Variants in IFNG observed in about 807,000 individuals in gnomAD.
IFNG encodes the protein IFN-gamma.
A neutral mutation model predicts 14.4 loss-of-function variants in IFNG; 8 were observed. That is an observed-to-expected ratio of 0.56 (90% CI 0.33 to 1.00). IFNG has a LOEUF of 1.00. IFNG is among the 50% of genes least tolerant of loss of function. The pLI is 0.03. For missense variants in IFNG, 132 were observed against 194.9 expected (o/e 0.68, Z 1.92); for synonymous variants, 73 against 65.4 (o/e 1.12, Z -0.56).
intron 1 of IFNG, 47 bp downstream of exon 1, chr12:68,159,455 C>T: frequency 1.2e-6 from 1 of 856,454 alleles, no homozygotes; most frequent in Non-Finnish European, 1.9e-6. Flanking sequence ...AGTCGATATT[C>T]AGTCATTTTC....
intron 3 of IFNG, 76 bp from the exon 4 acceptor site, chr12:68,155,563 C>A: frequency 7.4e-7 from 1 of 1,352,816 alleles, no homozygotes; most frequent in South Asian, 1.5e-5. Context: ...TCATGATGGT[C>A]AGTGAAAATA....
chr12:68,158,357 A>C (rs995473962), intron 1 of IFNG, 98 bp from the exon 2 acceptor site: 8 of 792,812 alleles, frequency 1.0e-5, no homozygotes, highest in Non-Finnish European at 1.4e-5. Context: ...GACAATATTC[A>C]CTGATTTCCT....
At position 68,157,994 on chromosome 12, in the gene IFNG, G is replaced by A. The variant is rs142375196; in HGVS notation, c.285C>T (p.Thr95=). ...DDQSIQKSVE[T]IKEDMNVKFF... ...ACTTGACATTCATGTCTTCCTTGATGGTCTCCACACTCTTTTGGATGCTCT... is the reference window on the plus strand; with the variant it reads ...ACTTGACATTCATGTCTTCCTTGATAGTCTCCACACTCTTTTGGATGCTCT... Residue 95 remains threonine (T), a synonymous_variant, in exon 3 of 4, where the codon ACC becomes ACT. Transcript: ENST00000229135. 2.0e-4 allele frequency: 327 copies of A among 1,609,398 alleles called. 1 individual carries two copies. Among genetic ancestry groups the A allele is most frequent in the Non-Finnish European group, 2.5e-4 (300 of 1,177,028 alleles).
chr12:68,159,193 CCTT>C (rs1882648967), intron 1 of IFNG, among the ~76,000 whole-genome samples: 1 of 152,128 alleles, frequency 6.6e-6, no homozygotes, highest in Admixed American at 6.6e-5. Context: ...TCTGCATACT[CCTT>C]GACTATCACA....
rs757547299 is a variant in IFNG at position 68,158,291 on chromosome 12, A to T, written c.115-32T>A. 3 of 1,481,086 alleles carry T rather than the reference A, an allele frequency of 2.0e-6. No individual in the cohort carries two copies. The Admixed American group carries it at 6.0e-5, about 30-fold the overall frequency. The allele number at this position is 1,481,086 out of a possible 1,614,324, so 91.7% of individuals were successfully genotyped here. A position where few individuals can be genotyped will look rare whatever the true frequency, so the allele number is the denominator to read the frequency against. On this transcript the variant is annotated intron_variant, in intron 1 of 3. Coordinates refer to ENST00000229135, the MANE Select transcript of IFNG (RefSeq NM_000619.3). ...AAAAAAAAAGAAAAAATTGGTTTACAATTAGCCCATAAATTGCCTTAAAAA... is the reference window on the plus strand; with the variant it reads ...AAAAAAAAAGAAAAAATTGGTTTACTATTAGCCCATAAATTGCCTTAAAAA...
chr12:68,159,510 T>C lies in IFNG; in HGVS notation c.106A>G (p.Lys36Glu). 1 of 1,545,608 alleles carries C rather than the reference T, an allele frequency of 6.5e-7. No individual in the cohort carries two copies. Among genetic ancestry groups the C allele is most frequent in the Non-Finnish European group, 8.9e-7 (1 of 1,123,426 alleles). Residue 36 changes from lysine to glutamate, a missense_variant, in exon 1 of 4, where the codon AAA becomes GAA. Transcript: ENST00000229135. ...TAAAAAGTCATACTTACAAAATATT[T>C]CTTAAGGTTTTCTGCTTCTTTTACA... ...PYVKEAENLK[K>E]YFNAGHSDVA...
At position 68,154,968 on chromosome 12, in the gene IFNG, G is replaced by C. The variant is rs934965399; in HGVS notation, c.*385C>G. The stretch of plus-strand genomic sequence containing the variant: ...GACATGCCATTAAAGCACTGGCTCA[G>C]ATTGCAGGCATATTTTCAAACCGGC... On this transcript the variant is annotated 3_prime_UTR_variant, in exon 4 of 4. Coordinates refer to ENST00000229135, the MANE Select transcript of IFNG (RefSeq NM_000619.3). 4 of 153,978 alleles carry C rather than the reference G, an allele frequency of 2.6e-5. No homozygotes were observed. The highest frequency in any genetic ancestry group is 9.6e-5 in the African/African-American group (4 of 41,504). The allele number at this position is 153,978 out of a possible 1,614,324, so 9.5% of individuals were successfully genotyped here. A position where few individuals can be genotyped will look rare whatever the true frequency, so the allele number is the denominator to read the frequency against.
Position 68,155,414 on chromosome 12 carries a change from G to C in IFNG, c.440C>G (p.Ala147Gly), listed in dbSNP as rs760606439. The change falls in exon 4 of 4, where the codon GCT becomes GGT. Residue 147 changes from alanine (A) to glycine (G), a missense_variant. Physicochemically the swap from Ala to Gly is moderately conservative, Grantham distance 60. Coordinates refer to ENST00000229135, the MANE Select transcript of IFNG (RefSeq NM_000619.3). Reference sequence around the variant, plus strand: ...ACTCCTTTTTCGCTTCCCTGTTTTAGCTGCTGGCGACAGTTCAGCCATCAC... The same window carrying C: ...ACTCCTTTTTCGCTTCCCTGTTTTACCTGCTGGCGACAGTTCAGCCATCAC... The part of the protein sequence containing the change: ...IQVMAELSPA[A>G]KTGKRKRSQM... The C allele has an allele frequency of 6.2e-7, 1 of 1,612,166 alleles. No homozygotes were observed. The highest frequency in any genetic ancestry group is 8.5e-7 in the Non-Finnish European group (1 of 1,178,944).
At position 68,158,257 on chromosome 12, in the gene IFNG, A is replaced by G. The variant is rs1309260379; in HGVS notation, c.117T>C (p.Asn39=). The G allele has an allele frequency of 6.6e-6, 10 of 1,505,902 alleles. No individual in the cohort carries two copies. Among genetic ancestry groups the G allele is most frequent in the Non-Finnish European group, 8.8e-6 (10 of 1,139,474 alleles). 93.3% of individuals were successfully genotyped at this position (1,505,902 alleles called of 1,614,324 possible). The change falls in exon 2 of 4, where the codon AAT becomes AAC. Residue 39 remains asparagine (N), a splice_region_variant and synonymous_variant. Coordinates refer to ENST00000229135, the MANE Select transcript of IFNG (RefSeq NM_000619.3). ...TATCCGCTACATCTGAATGACCTGC[A>G]TTCTAAAAAAAAAAAAAGAAAAAAT... ...KEAENLKKYF[N]AGHSDVADNG...
chr12:68,155,547 C>T (rs1882588137), intron 3 of IFNG, 60 bp from the exon 4 acceptor site: 1 of 1,489,188 alleles, frequency 6.7e-7, no homozygotes, highest in Non-Finnish European at 9.1e-7. Flanking sequence ...GGATATTCTG[C>T]TAATGTCATG....
In IFNG at chr12:68,158,035, T is replaced by G; in HGVS notation, c.244A>C (p.Asn82His). The G allele has an allele frequency of 6.2e-7, 1 of 1,609,408 alleles. No homozygotes were observed. The highest frequency in any genetic ancestry group is 1.1e-5 in the South Asian group (1 of 89,944). The change falls in exon 3 of 4, where the codon AAC becomes CAC. Residue 82 changes from asparagine to histidine, a missense_variant. Asn to His is a moderately conservative substitution (Grantham distance 68). Coordinates refer to ENST00000229135, the MANE Select transcript of IFNG (RefSeq NM_000619.3). ...IVSFYFKLFKNFKDDQSIQKS... is the reference protein window; with the variant it reads ...IVSFYFKLFKHFKDDQSIQKS... The stretch of plus-strand genomic sequence containing the variant: ...TGGATGCTCTGGTCATCTTTAAAGT[T>G]TTTAAAAAGTTTGAAGTAAAAGGAG...
chr12:68,156,233 A>G (rs757389907), intron 3 of IFNG, among the ~76,000 whole-genome samples: 6 of 152,196 alleles, frequency 3.9e-5, no homozygotes, highest in Non-Finnish European at 8.8e-5. Flanking sequence ...AACACCCCCA[A>G]TCATATTTAT....
chr12:68,155,421 G>C lies in IFNG; in HGVS notation c.433C>G (p.Pro145Ala), dbSNP rs1439438112. 7 of 1,612,158 alleles carry C rather than the reference G, an allele frequency of 4.3e-6. No homozygotes were observed. The Admixed American group carries it at 8.4e-5, about 19-fold the overall frequency. ...ELIQVMAELS[P>A]AAKTGKRKRS... ...TTTCGCTTCCCTGTTTTAGCTGCTG[G>C]CGACAGTTCAGCCATCACTTGGATG... Residue 145 changes from proline to alanine, a missense_variant, in exon 4 of 4, where the codon CCA becomes GCA. Pro to Ala is a conservative substitution (Grantham distance 27). Coordinates refer to ENST00000229135, the MANE Select transcript of IFNG (RefSeq NM_000619.3).
intron 3 of IFNG, among the ~76,000 whole-genome samples, chr12:68,155,987 G>A (rs116174811): frequency 7.9e-4 from 120 of 152,256 alleles, no homozygotes; most frequent in African/African-American, 2.8e-3. Context: ...GTGCATAGCA[G>A]ATTAATCCGG....
chr12:68,158,624 C>T (rs1882638789), intron 1 of IFNG, among the ~76,000 whole-genome samples: 1 of 151,960 alleles, frequency 6.6e-6, no homozygotes, highest in African/African-American at 2.4e-5. Flanking sequence ...AAATACTGCC[C>T]CCCAATGGTA....
At chr12:68,157,802 T>C in intron 3 of IFNG, 111 bp downstream of exon 3, 1 of 767,632 alleles carries the variant, frequency 1.3e-6, no homozygotes, top group South Asian at 2.1e-5. Flanking sequence ...AGCCATGAGT[T>C]GAGTTCATAG....
chr12:68,158,376 C>A (rs559382568), intron 1 of IFNG, 117 bp from the exon 2 acceptor site: 1 of 689,560 alleles, frequency 1.5e-6, no homozygotes, highest in African/African-American at 1.8e-5. Context: ...CTTTTCAACT[C>A]TTCTGCTTAG....
At position 68,159,623 on chromosome 12, in the gene IFNG, G is replaced by A. The variant is rs745803752; in HGVS notation, c.-8C>T. On this transcript the variant is annotated 5_prime_UTR_variant, in exon 1 of 4. Coordinates refer to ENST00000229135, the MANE Select transcript of IFNG (RefSeq NM_000619.3). ...ATAACTTGTATATTTCATCGTTTCC[G>A]AGAGAATTAAGCCAAAGAAGTTGAA... is the stretch of plus-strand genomic sequence containing the variant. 1.3e-5 allele frequency: 19 copies of A among 1,494,046 alleles called. No homozygotes were observed. The highest frequency in any genetic ancestry group is 4.1e-5 in the African/African-American group (3 of 72,716). 92.5% of individuals were successfully genotyped at this position (1,494,046 alleles called of 1,614,324 possible).
intron 3 of IFNG, among the ~76,000 whole-genome samples, chr12:68,157,312 G>T (rs1882615963): frequency 1.3e-5 from 2 of 152,134 alleles, no homozygotes; most frequent in African/African-American, 4.8e-5. Flanking sequence ...GGGTGTCCCT[G>T]GTACCTATTC....
Sources: gnomAD v4.1 joint callset for allele counts (sites outside exome capture counted in the v4.1 genomes callset) on GRCh38, gnomAD v4.1.1 for gene constraint, MANE v1.5 for transcripts, NCBI Gene and HGNC (gene_info 2026-07-23, HGNC 2026-07-21) for gene names.